OLFM2: variants seen among roughly 807,000 people sequenced by gnomAD.
OLFM2 encodes noelin-2.
In OLFM2, 20 loss-of-function variants were observed where a neutral mutation model predicts 43.9. That is an observed-to-expected ratio of 0.46 (90% CI 0.32 to 0.66). The LOEUF (loss-of-function observed/expected upper bound fraction) is 0.66. OLFM2 is among the 30% of genes least tolerant of loss of function. OLFM2 has a pLI of 0.04. For synonymous variants in OLFM2, 268 were observed against 278.6 expected (o/e 0.96, Z 0.38); for missense variants, 416 against 643.6 (o/e 0.65, Z 3.83).
At chr19:9,876,342 C>T (rs1028950394) in intron 1 of OLFM2, among the ~76,000 whole-genome samples, 1 of 152,294 alleles carries the variant, frequency 6.6e-6, no homozygotes, top group Non-Finnish European at 1.5e-5. Flanking sequence ...TAGCCAGGGA[C>T]ACCCCTATAC....
chr19:9,913,284 G>A (rs760262541), intron 1 of OLFM2, among the ~76,000 whole-genome samples: 4 of 152,118 alleles, frequency 2.6e-5, no homozygotes, highest in Non-Finnish European at 5.9e-5. Flanking sequence ...GTGGCTAGGG[G>A]TCCCGGGGCT....
chr19:9,881,736 G>A (rs1038474585), intron 1 of OLFM2, among the ~76,000 whole-genome samples: 1 of 151,586 alleles, frequency 6.6e-6, no homozygotes, highest in Non-Finnish European at 1.5e-5. Context: ...GCTGTCAAGT[G>A]ATCCTCCCAC....
At chr19:9,926,394 T>C (rs2086453146) in intron 1 of OLFM2, among the ~76,000 whole-genome samples, 1 of 148,848 alleles carries the variant, frequency 6.7e-6, no homozygotes, top group South Asian at 2.1e-4. Context: ...CTACTAAAAA[T>C]ACAAAAAATT....
intron 1 of OLFM2, among the ~76,000 whole-genome samples, chr19:9,919,176 C>CTCTTTTTTTT (rs1555728853): frequency 2.7e-5 from 4 of 149,260 alleles, no homozygotes; most frequent in Admixed American, 1.3e-4. Flanking sequence ...ATTTCTCTCT[C>CTCTTTTTTTT]TTTTTTTTGA....
At chr19:9,916,794 T>C (rs8104943) in intron 1 of OLFM2, among the ~76,000 whole-genome samples, 95,201 of 151,888 alleles carry the variant, frequency 0.63, 30,175 homozygotes, top group African/African-American at 0.71. Context: ...TCCAAAACTC[T>C]TCTCACCAAA....
chr19:9,860,903 C>T lies in OLFM2; in HGVS notation c.64-109G>A, dbSNP rs2046361657. On this transcript the variant is annotated intron_variant, in intron 1 of 5. Coordinates refer to ENST00000264833, the MANE Select transcript of OLFM2 (RefSeq NM_058164.4). The stretch of plus-strand genomic sequence containing the variant: ...AACCACAGATGCCCTTTGCTGGGCT[C>T]CGGGCATATGCCAGTGCCTGTTGTG... 3 of 1,136,378 alleles carry T rather than the reference C, an allele frequency of 2.6e-6. No individual in the cohort carries two copies. The Admixed American group carries it at 7.6e-5, about 29-fold the overall frequency. The allele number at this position is 1,136,378 out of a possible 1,614,324, so 70.4% of individuals were successfully genotyped here. A position where few individuals can be genotyped will look rare whatever the true frequency, so the allele number is the denominator to read the frequency against.
chr19:9,909,568 T>C (rs1490772308), intron 1 of OLFM2, among the ~76,000 whole-genome samples: 1 of 90,750 alleles, frequency 1.1e-5, no homozygotes, highest in Non-Finnish European at 2.3e-5. Context: ...CCCAAGGCTC[T>C]ACGCTCACCG....
intron 1 of OLFM2, among the ~76,000 whole-genome samples, chr19:9,861,563 G>C (rs910356464): frequency 2.0e-5 from 3 of 152,220 alleles, no homozygotes; most frequent in African/African-American, 7.2e-5. Context: ...AGATAATCCA[G>C]TGACCAATTA....
Position 9,857,406 on chromosome 19 carries a change from A to G in OLFM2, c.437T>C (p.Ile146Thr), listed in dbSNP as rs2046329516. 6 of 1,614,054 alleles carry G rather than the reference A, an allele frequency of 3.7e-6. No homozygotes were observed. The highest frequency in any genetic ancestry group is 5.1e-6 in the Non-Finnish European group (6 of 1,180,008). The change falls in exon 4 of 6, where the codon ATT (isoleucine) becomes ACT (threonine). Residue 146 changes from isoleucine to threonine, a missense_variant. By Grantham distance (89) the Ile-to-Thr change is moderately conservative. Coordinates refer to ENST00000264833, the MANE Select transcript of OLFM2 (RefSeq NM_058164.4). The surrounding 1 kb of genome is among the most constrained non-coding windows in gnomAD (Gnocchi z 5.7). ...CCTCACCTCCTCCCGCAAGCGTACAATGGTCCGCGTGTCTGCCTTGTACTG... is the reference window on the plus strand; with the variant it reads ...CCTCACCTCCTCCCGCAAGCGTACAGTGGTCCGCGTGTCTGCCTTGTACTG... The part of the protein sequence containing the change: ...LEQYKADTRT[I>T]VRLREEVRNL...
At chr19:9,916,676 G>A (rs1226661046) in intron 1 of OLFM2, among the ~76,000 whole-genome samples, 2 of 152,194 alleles carry the variant, frequency 1.3e-5, no homozygotes, top group African/African-American at 4.8e-5. Context: ...CATGGGTGCT[G>A]TGGGAAACTG....
rs770492040 is a variant in OLFM2 at position 9,854,689 on chromosome 19, C to T, written c.862G>A (p.Val288Met). 6.2e-7 allele frequency: 1 copy of T among 1,614,130 alleles called. No homozygotes were observed. The highest frequency in any genetic ancestry group is 2.2e-5 in the East Asian group (1 of 44,892). ...CGCGAGCGGAAGTGGTATTTGACCA[C>T]CACGTTGCTCTGGTACTTGTTATAG... ...LFYNKYQSNV[V>M]VKYHFRSRSV... Residue 288 changes from valine to methionine, a missense_variant, in exon 6 of 6, where the codon GTG becomes ATG. Transcript: ENST00000264833. The surrounding 1 kb of genome is among the most constrained non-coding windows in gnomAD (Gnocchi z 9.5).
intron 1 of OLFM2, among the ~76,000 whole-genome samples, chr19:9,898,239 G>C (rs1418620455): frequency 1.3e-5 from 2 of 148,876 alleles, no homozygotes; most frequent in Non-Finnish European, 1.5e-5. Context: ...AAAATTTTTT[G>C]TGCTGGGAGT....
chr19:9,913,675 G>A (rs1599497418), intron 1 of OLFM2: 2 of 1,125,560 alleles, frequency 1.8e-6, no homozygotes, highest in Admixed American at 5.2e-5. Context: ...CTGGCCCGCC[G>A]CGGGGCGCTC....
intron 1 of OLFM2, among the ~76,000 whole-genome samples, chr19:9,877,363 G>A (rs1219843889): frequency 6.6e-5 from 10 of 151,492 alleles, no homozygotes; most frequent in African/African-American, 1.7e-4. Flanking sequence ...GAGAAACCCC[G>A]TCTCTACTAA....
chr19:9,894,794 C>A (rs1215084888), intron 1 of OLFM2, among the ~76,000 whole-genome samples: 1 of 152,096 alleles, frequency 6.6e-6, no homozygotes, highest in Non-Finnish European at 1.5e-5. Flanking sequence ...CTTAGCCTTG[C>A]ATTTTCTCTT....
At chr19:9,888,755 C>A (rs947253137) in intron 1 of OLFM2, among the ~76,000 whole-genome samples, 1 of 152,134 alleles carries the variant, frequency 6.6e-6, no homozygotes, top group Non-Finnish European at 1.5e-5. Flanking sequence ...ACAACAGGCA[C>A]CTGGTATCCA....
intron 1 of OLFM2, among the ~76,000 whole-genome samples, chr19:9,916,182 C>A (rs954745819): frequency 1.3e-5 from 2 of 151,996 alleles, no homozygotes; most frequent in African/African-American, 4.8e-5. Flanking sequence ...CATGGTAAAA[C>A]CCTGTCTCTA....
intron 1 of OLFM2, among the ~76,000 whole-genome samples, chr19:9,868,793 T>C (rs1206761368): frequency 6.6e-6 from 1 of 151,410 alleles, no homozygotes; most frequent in Non-Finnish European, 1.5e-5. Context: ...ATTTAAAAAT[T>C]AGCATGGTGG....
In OLFM2 at chr19:9,925,521, G is replaced by A. The variant is rs201370053; in HGVS notation, c.63+10783C>T. Among the ~76,000 whole-genome samples, 13 of 151,942 alleles carry A rather than the reference G, an allele frequency of 8.6e-5. No individual in the cohort carries two copies. The South Asian group carries it at 1.2e-3, about 15-fold the overall frequency. On this transcript the variant is annotated intron_variant, in intron 1 of 5. Coordinates refer to ENST00000264833, the MANE Select transcript of OLFM2 (RefSeq NM_058164.4). The stretch of plus-strand genomic sequence containing the variant: ...ACCCAGGCAATGGTACAATCATGGC[G>A]CACTGCAGCCTTGACCTCCTGGGCT...
Sources: allele counts gnomAD v4.1 joint callset (sites outside exome capture counted in the v4.1 genomes callset), GRCh38; gene constraint gnomAD v4.1.1; non-coding constraint Gnocchi (gnomAD v3.1); transcripts MANE v1.5; gene names NCBI Gene and HGNC (gene_info 2026-07-23, HGNC 2026-07-21).